HLTF: variants seen among roughly 807,000 people sequenced by gnomAD.
The protein encoded by HLTF is DNA-dependent ATPase/E3 ubiquitin-protein ligase HLTF.
HLTF carries 127 observed loss-of-function variants against 129.4 expected under a neutral mutation model. The observed-to-expected ratio is 0.98, with a 90% CI of 0.85 to 1.14. The LOEUF (loss-of-function observed/expected upper bound fraction) is 1.14, where lower values mean the gene tolerates loss of function less well. Ranked by LOEUF, HLTF falls within the 50% of genes most tolerant of loss-of-function variation. The pLI, the probability that HLTF is intolerant of heterozygous loss-of-function variation, is 0.00. For synonymous variants in HLTF, 332 were observed against 388.8 expected (o/e 0.85, Z 1.72); for missense variants, 1,139 against 1,187.1 (o/e 0.96, Z 0.60).
At chr3:149,038,976 T>C in intron 23 of HLTF, 73 bp downstream of exon 23, 10 of 861,962 alleles carry the variant, frequency 1.2e-5, no homozygotes, top group Non-Finnish European at 1.7e-5. Context: ...TGAAGGTATT[T>C]ACCAAATAGT....
chr3:149,047,991 T>C, intron 17 of HLTF, 37 bp downstream of exon 17: 1 of 1,531,064 alleles, frequency 6.5e-7, no homozygotes, highest in Non-Finnish European at 8.8e-7. Flanking sequence ...TAACAGTTAT[T>C]TGTAACTAAT....
chr3:149,041,568 A>C lies in HLTF; in HGVS notation c.2298T>G (p.Ser766=). Reference sequence around the variant, plus strand: ...AATGTGTTATCACAGGAACTGTTAAAGAATCCAGGCAAATTGCACATTCCT... The same window carrying C: ...AATGTGTTATCACAGGAACTGTTAACGAATCCAGGCAAATTGCACATTCCT... ...SDEECAICLD[S]LTVPVITHCA... The change falls in exon 20 of 25, where the codon TCT becomes TCG. Residue 766 remains serine, a synonymous_variant. Transcript: ENST00000310053. 6 of 1,613,030 alleles carry C rather than the reference A, an allele frequency of 3.7e-6. No homozygotes were observed. Among genetic ancestry groups the C allele is most frequent in the Non-Finnish European group, 5.1e-6 (6 of 1,179,118 alleles).
chr3:149,078,854 CT>C (rs1719627348), intron 2 of HLTF, among the ~76,000 whole-genome samples: 1 of 127,106 alleles, frequency 7.9e-6, no homozygotes, highest in African/African-American at 3.2e-5. Flanking sequence ...AAGACTCCGT[CT>C]CAAAAAAAAA....
chr3:149,041,759 A>C, intron 19 of HLTF, 91 bp from the exon 20 acceptor site: 1 of 864,056 alleles, frequency 1.2e-6, no homozygotes, highest in Non-Finnish European at 1.8e-6. Flanking sequence ...GCTTGCCAGT[A>C]GGGAAAGTCT....
In HLTF at chr3:149,086,443, A is replaced by G. The variant is rs1250846905; in HGVS notation, c.-107T>C. 1 of 1,344,922 alleles carries G rather than the reference A, an allele frequency of 7.4e-7. No homozygotes were observed. The highest frequency in any genetic ancestry group is 1.5e-5 in the African/African-American group (1 of 68,602). The allele number at this position is 1,344,922 out of a possible 1,614,324, so 83.3% of individuals were successfully genotyped here. ...CCCGCAGCCCTGAAGCCGGGGACAA[A>G]TTCCGAGCGCCGGATCAGGAGCGCA... On this transcript the variant is annotated 5_prime_UTR_variant, in exon 1 of 25. Transcript: ENST00000310053.
At chr3:149,066,069 A>T (rs967008574) in intron 8 of HLTF, among the ~76,000 whole-genome samples, 3 of 151,960 alleles carry the variant, frequency 2.0e-5, no homozygotes, top group African/African-American at 7.2e-5. Flanking sequence ...TTTCTGAGAC[A>T]GAGTTTCACT....
rs1050815227 is a variant in HLTF, at chr3:149,041,467, C to A, written c.2376+23G>T. On this transcript the variant is annotated intron_variant, in intron 20 of 24. Coordinates refer to ENST00000310053, the MANE Select transcript of HLTF (RefSeq NM_003071.4). ...GTACACTACTCTATCAAACACTGAA[C>A]CTGTACTGAGCAAAAAACTAACCTG... The A allele has an allele frequency of 3.1e-6, 5 of 1,590,110 alleles. No individual in the cohort carries two copies. The African/African-American group carries it at 5.4e-5, about 17-fold the overall frequency.
intron 13 of HLTF, chr3:149,059,284 C>G: frequency 1.0e-5 from 3 of 290,558 alleles, no homozygotes; most frequent in Non-Finnish European, 2.0e-5. Flanking sequence ...AATATTTAGT[C>G]TCTTAAGCAG....
At chr3:149,037,294 C>G (rs1236373849) in intron 23 of HLTF, among the ~76,000 whole-genome samples, 5 of 151,800 alleles carry the variant, frequency 3.3e-5, no homozygotes, top group Non-Finnish European at 7.4e-5. Flanking sequence ...CATGGTAAAA[C>G]CCCGTCTCTA....
chr3:149,073,791 A>C (rs1466766871), intron 4 of HLTF, among the ~76,000 whole-genome samples: 1 of 152,242 alleles, frequency 6.6e-6, no homozygotes, highest in Non-Finnish European at 1.5e-5. Flanking sequence ...ATACTAAATC[A>C]CTAAAAAAAC....
chr3:149,050,228 T>C lies in HLTF; in HGVS notation c.1617+4A>G. 6.4e-7 allele frequency: 1 copy of C among 1,552,728 alleles called. No homozygotes were observed. Among genetic ancestry groups the C allele is most frequent in the Non-Finnish European group, 8.8e-7 (1 of 1,133,504 alleles). ...AAGATCTGTTAAGTATCAACAATACTTACTCCATAGTCATGAGTTAAAATA... is the reference window on the plus strand; with the variant it reads ...AAGATCTGTTAAGTATCAACAATACCTACTCCATAGTCATGAGTTAAAATA... On this transcript the variant is annotated splice_donor_region_variant and intron_variant, in intron 15 of 24. Transcript: ENST00000310053.
At position 149,041,614 on chromosome 3, in the gene HLTF, A is replaced by G; in HGVS notation, c.2252T>C (p.Ile751Thr). 1 of 1,612,322 alleles carries G rather than the reference A, an allele frequency of 6.2e-7. No individual in the cohort carries two copies. The highest frequency in any genetic ancestry group is 8.5e-7 in the Non-Finnish European group (1 of 1,178,554). The change falls in exon 20 of 25, where the codon ATT becomes ACT. Residue 751 changes from isoleucine (I) to threonine (T), a missense_variant. By Grantham distance (89) the Ile-to-Thr change is moderately conservative. Transcript: ENST00000310053. ...TTCCTCATCTGAACCTGAGCTCAGA[A>G]TTAACTTCATCTTCCTTATTAACTT... Reference protein sequence around the residue: ...RKKLIRKMKLILSSGSDEECA... With the variant: ...RKKLIRKMKLTLSSGSDEECA...
chr3:149,084,210 A>G (rs961348543), intron 2 of HLTF, among the ~76,000 whole-genome samples: 2 of 152,190 alleles, frequency 1.3e-5, no homozygotes, highest in Non-Finnish European at 2.9e-5. Context: ...TCAAAAAACA[A>G]TTTGAAACGT....
chr3:149,084,687 C>T lies in HLTF; in HGVS notation c.223G>A (p.Gly75Arg), dbSNP rs1454948009. The change falls in exon 2 of 25, where the codon GGA (glycine) becomes AGA (arginine). Residue 75 changes from glycine (G) to arginine (R), a missense_variant. Gly to Arg is a moderately radical substitution (Grantham distance 125, BLOSUM62 -2). Transcript: ENST00000310053. ...GHVVGLRYYT[G>R]VVNNNEMVAL... ...TTATCTACTATTATACTCACTACTC[C>T]CGTGTAATAGCGTAGTCCAACCACA... 6.3e-7 allele frequency: 1 copy of T among 1,597,490 alleles called. No homozygotes were observed. The highest frequency in any genetic ancestry group is 8.6e-7 in the Non-Finnish European group (1 of 1,165,096).
At chr3:149,037,724 AGT>A (rs1402778937) in intron 23 of HLTF, among the ~76,000 whole-genome samples, 1 of 152,172 alleles carries the variant, frequency 6.6e-6, no homozygotes, top group East Asian at 1.9e-4. Flanking sequence ...AAATCTTCTG[AGT>A]TTCAGGTAAC....
chr3:149,042,587 C>T (rs1234709011), intron 18 of HLTF, among the ~76,000 whole-genome samples: 2 of 152,048 alleles, frequency 1.3e-5, no homozygotes, highest in African/African-American at 4.8e-5. Flanking sequence ...ATGGCATGCC[C>T]TGAGGGGAAA....
chr3:149,077,285 AAT>A (rs1719459870), intron 2 of HLTF, among the ~76,000 whole-genome samples: 1 of 148,254 alleles, frequency 6.7e-6, no homozygotes, highest in African/African-American at 2.5e-5. Context: ...TAAATAAATA[AAT>A]AAATAAAAAT....
chr3:149,063,408 A>G lies in HLTF; in HGVS notation c.1160+23T>C, dbSNP rs750934809. The G allele has an allele frequency of 8.6e-6, 12 of 1,400,816 alleles. No individual in the cohort carries two copies. In the Admixed American group the frequency reaches 1.8e-4, roughly 22 times the overall value. 86.8% of individuals were successfully genotyped at this position (1,400,816 alleles called of 1,614,324 possible). On this transcript the variant is annotated intron_variant, in intron 10 of 24. Coordinates refer to ENST00000310053, the MANE Select transcript of HLTF (RefSeq NM_003071.4). ...AACAGAGTCTAAATAAACATATGAC[A>G]TAATCAAACCATAATAGTTTACCTT...
rs570989081 is a variant in HLTF at position 149,056,436 on chromosome 3, T to TA, written c.1376-1037dup. Among the ~76,000 whole-genome samples the TA allele has an allele frequency of 5.9e-5, 9 of 152,322 alleles. No homozygotes were observed. In the South Asian group the frequency reaches 1.9e-3, roughly 32 times the overall value. On this transcript the variant is annotated intron_variant, in intron 13 of 24. Transcript: ENST00000310053. Reference sequence around the variant, plus strand: ...CTTAAAATGCAAATTTCTGAGTTTTTAAAAAATTGTATTTTCACACTAATT... The same window carrying TA: ...CTTAAAATGCAAATTTCTGAGTTTTTAAAAAAATTGTATTTTCACACTAATT...
Sources: gnomAD v4.1 joint callset for allele counts (sites outside exome capture counted in the v4.1 genomes callset) on GRCh38, gnomAD v4.1.1 for gene constraint, MANE v1.5 for transcripts, NCBI Gene and HGNC (gene_info 2026-07-23, HGNC 2026-07-21) for gene names.